NKAIN2: variants seen among roughly 807,000 people sequenced by gnomAD.
NKAIN2 encodes sodium/potassium transporting ATPase interacting 2, also known as sodium/potassium-transporting ATPase subunit beta-1-interacting protein 2.
In NKAIN2, 14 loss-of-function variants were observed where a neutral mutation model predicts 32.6. That is an observed-to-expected ratio of 0.43 (90% CI 0.28 to 0.67). NKAIN2 has a LOEUF of 0.67. Among genes scored for constraint, NKAIN2 ranks in the 30% least tolerant of loss-of-function variants. The pLI is 0.17. For synonymous variants in NKAIN2, 80 were observed against 87.2 expected (o/e 0.92, Z 0.46); for missense variants, 198 against 258.3 (o/e 0.77, Z 1.60).
chr6:124,501,776 TA>T (rs886713877), intron 3 of NKAIN2, among the ~76,000 whole-genome samples: 13 of 152,248 alleles, frequency 8.5e-5, no homozygotes, highest in African/African-American at 2.6e-4. Flanking sequence ...TCTGAACTCC[TA>T]AAAATGCATT....
chr6:124,481,526 C>T (rs1205204262), intron 3 of NKAIN2, among the ~76,000 whole-genome samples: 9 of 152,152 alleles, frequency 5.9e-5, no homozygotes, highest in African/African-American at 2.2e-4. Flanking sequence ...TTACCATTCT[C>T]TGCCTGCTAA....
intron 1 of NKAIN2, among the ~76,000 whole-genome samples, chr6:123,961,149 C>A (rs930539468): frequency 2.0e-5 from 3 of 151,658 alleles, no homozygotes; most frequent in Non-Finnish European, 4.4e-5. Flanking sequence ...AGGTTGGCAA[C>A]CATAAATCTG....
At position 124,271,495 on chromosome 6, in the gene NKAIN2, C is replaced by T. The variant is rs574013152; in HGVS notation, c.55-11510C>T. Among the ~76,000 whole-genome samples, 63 of 152,298 alleles carry T rather than the reference C, an allele frequency of 4.1e-4. No homozygotes were observed. In the East Asian group the frequency reaches 7.9e-3, roughly 19 times the overall value. On this transcript the variant is annotated intron_variant, in intron 1 of 6. Transcript: ENST00000368417. Reference sequence around the variant, plus strand: ...CCTCCCAAACTGCTGGGATTACAGGCGTGAGCCACCATACCCGGCCTAAAC... The same window carrying T: ...CCTCCCAAACTGCTGGGATTACAGGTGTGAGCCACCATACCCGGCCTAAAC...
At chr6:123,836,892 A>G (rs1488591322) in intron 1 of NKAIN2, among the ~76,000 whole-genome samples, 2 of 152,156 alleles carry the variant, frequency 1.3e-5, no homozygotes, top group Non-Finnish European at 2.9e-5. Context: ...GAGTACCTCA[A>G]AACACTCCTC....
At chr6:124,338,586 A>G (rs904961458) in intron 2 of NKAIN2, among the ~76,000 whole-genome samples, 1 of 152,182 alleles carries the variant, frequency 6.6e-6, no homozygotes, top group Non-Finnish European at 1.5e-5. Flanking sequence ...ACAAGTTTGG[A>G]AATATTCAGA....
At chr6:124,284,009 G>GC (rs1245500798) in intron 2 of NKAIN2, among the ~76,000 whole-genome samples, 5 of 151,674 alleles carry the variant, frequency 3.3e-5, no homozygotes, top group East Asian at 1.9e-4. Context: ...CATTAAAGAT[G>GC]CCCCCCCATG....
At chr6:124,723,215 G>A (rs1301685891) in intron 4 of NKAIN2, among the ~76,000 whole-genome samples, 1 of 152,144 alleles carries the variant, frequency 6.6e-6, no homozygotes, top group Admixed American at 6.5e-5. Context: ...AGATTATGTA[G>A]AAACAACTAG....
intron 3 of NKAIN2, among the ~76,000 whole-genome samples, chr6:124,461,907 G>T (rs148934426): frequency 4.6e-5 from 7 of 150,572 alleles, no homozygotes; most frequent in Admixed American, 4.0e-4. Context: ...TGGTTTGATT[G>T]AGGTTAATAA....
intron 3 of NKAIN2, among the ~76,000 whole-genome samples, chr6:124,379,350 G>T (rs1014844275): frequency 3.4e-5 from 5 of 148,592 alleles, no homozygotes; most frequent in Admixed American, 2.0e-4. Context: ...AGTAAGGAGA[G>T]AAGGGAGAGA....
rs550237887 is a variant in NKAIN2 at position 124,373,717 on chromosome 6, G to T, written c.273+18370G>T. ...AGAGCTTTGGTTAAAACACTGACAG[G>T]GAAGGATGATAAATTGGATAAGGAT... is the stretch of plus-strand genomic sequence containing the variant. On this transcript the variant is annotated intron_variant, in intron 3 of 6. Coordinates refer to ENST00000368417, the MANE Select transcript of NKAIN2 (RefSeq NM_001040214.3). Among the ~76,000 whole-genome samples, 85 of 152,130 alleles carry T rather than the reference G, an allele frequency of 5.6e-4. 1 individual carries two copies. The Middle Eastern group carries it at 0.01, about 18-fold the overall frequency.
chr6:123,932,515 C>T (rs1776301093), intron 1 of NKAIN2, among the ~76,000 whole-genome samples: 2 of 147,252 alleles, frequency 1.4e-5, no homozygotes, highest in African/African-American at 5.0e-5. Flanking sequence ...CTCCCGGGTT[C>T]ACGCCATTCT....
At chr6:123,929,975 A>G (rs1364734375) in intron 1 of NKAIN2, among the ~76,000 whole-genome samples, 4 of 152,092 alleles carry the variant, frequency 2.6e-5, no homozygotes, top group Admixed American at 6.6e-5. Flanking sequence ...GTGAGAATTT[A>G]CCATAAATAG....
chr6:124,753,326 A>T (rs1777814491), intron 4 of NKAIN2, among the ~76,000 whole-genome samples: 1 of 152,172 alleles, frequency 6.6e-6, no homozygotes, highest in Non-Finnish European at 1.5e-5. Flanking sequence ...ATTATAAATC[A>T]ACCAGTACAA....
chr6:123,869,836 A>T (rs1016081641), intron 1 of NKAIN2, among the ~76,000 whole-genome samples: 3 of 151,628 alleles, frequency 2.0e-5, no homozygotes, highest in Admixed American at 1.3e-4. Context: ...AAGCAAAGAT[A>T]AGTTTACAAA....
At chr6:123,810,433 C>A (rs757819286) in intron 1 of NKAIN2, among the ~76,000 whole-genome samples, 1 of 151,982 alleles carries the variant, frequency 6.6e-6, no homozygotes, top group Non-Finnish European at 1.5e-5. Context: ...CAAACCTGAC[C>A]GACTTAGGTA....
chr6:124,815,118 AG>A (rs1220504611), intron 5 of NKAIN2, among the ~76,000 whole-genome samples: 3 of 151,302 alleles, frequency 2.0e-5, no homozygotes, highest in African/African-American at 7.3e-5. Context: ...AATACCTCTT[AG>A]AAAACTAGTC....
intron 4 of NKAIN2, among the ~76,000 whole-genome samples, chr6:124,741,342 T>A (rs796716350): frequency 1.5e-4 from 23 of 151,956 alleles, no homozygotes; most frequent in African/African-American, 5.3e-4. Flanking sequence ...ATAGCAACAT[T>A]AAAAGAAAAT....
At chr6:124,332,944 T>A (rs1429830055) in intron 2 of NKAIN2, among the ~76,000 whole-genome samples, 1 of 152,240 alleles carries the variant, frequency 6.6e-6, no homozygotes, top group Non-Finnish European at 1.5e-5. Context: ...ACAGGTAGGT[T>A]CACAATGGAG....
chr6:124,582,333 A>G (rs1165318885), intron 3 of NKAIN2, among the ~76,000 whole-genome samples: 1 of 152,178 alleles, frequency 6.6e-6, no homozygotes, highest in Non-Finnish European at 1.5e-5. Context: ...GTATGCCAAT[A>G]ACTTGCTCAT....
Sources: allele counts gnomAD v4.1 joint callset (sites outside exome capture counted in the v4.1 genomes callset), GRCh38; gene constraint gnomAD v4.1.1; transcripts MANE v1.5; gene names NCBI Gene and HGNC (gene_info 2026-07-23, HGNC 2026-07-21).